OTOG: variants seen among roughly 807,000 people sequenced by gnomAD.
The protein encoded by OTOG is otogelin.
In OTOG, 296 loss-of-function variants were observed where a neutral mutation model predicts 313.8. That is an observed-to-expected ratio of 0.94 (90% CI 0.86 to 1.04). The LOEUF (loss-of-function observed/expected upper bound fraction) is 1.04. Ranked by LOEUF, OTOG falls within the 50% of genes least tolerant of loss-of-function variation. The pLI, the probability that OTOG is intolerant of heterozygous loss-of-function variation, is 0.00. For missense variants in OTOG, 3,948 were observed against 3,840.1 expected, an observed-to-expected ratio of 1.03 and a Z score of -0.74; for synonymous variants, 1,533 against 1,554.9, an observed-to-expected ratio of 0.99 and a Z score of 0.33.
At chr11:17,602,908 C>T (rs371069471) in intron 32 of OTOG, among the ~76,000 whole-genome samples, 67 of 152,314 alleles carry the variant, frequency 4.4e-4, no homozygotes, top group East Asian at 1.7e-3. Flanking sequence ...AGGCGGAACA[C>T]GGGGGAGGGG....
intron 16 of OTOG, 97 bp from the exon 17 acceptor site, chr11:17,570,116 C>A: frequency 8.8e-7 from 1 of 1,140,530 alleles, no homozygotes; most frequent in Non-Finnish European, 1.2e-6. Context: ...AAGACTGGGC[C>A]GGGCGTGGGA....
intron 42 of OTOG, 131 bp downstream of exon 42, chr11:17,632,357 T>C: frequency 1.3e-6 from 1 of 743,548 alleles, no homozygotes; most frequent in Non-Finnish European, 1.9e-6. Context: ...TTTATGTACA[T>C]TAGTAAATTT....
chr11:17,582,297 T>C (rs560987304), intron 23 of OTOG, among the ~76,000 whole-genome samples: 9 of 152,288 alleles, frequency 5.9e-5, no homozygotes, highest in African/African-American at 2.2e-4. Flanking sequence ...AAAAGATCCA[T>C]ATATATACAA....
intron 48 of OTOG, 27 bp from the exon 49 acceptor site, chr11:17,639,396 T>TG (rs1268870031): frequency 1.9e-6 from 3 of 1,550,554 alleles, no homozygotes; most frequent in Non-Finnish European, 2.6e-6. Flanking sequence ...CCTGATGAAG[T>TG]GGGGCCTGGC....
chr11:17,618,092 G>A (rs1047068672), intron 39 of OTOG, among the ~76,000 whole-genome samples: 4 of 151,954 alleles, frequency 2.6e-5, no homozygotes, highest in Non-Finnish European at 4.4e-5. Context: ...TAGTAGAGAC[G>A]GGGTTTCACC....
chr11:17,616,241 G>C (rs534491277), intron 39 of OTOG, among the ~76,000 whole-genome samples: 10 of 152,172 alleles, frequency 6.6e-5, no homozygotes, highest in African/African-American at 2.4e-4. Context: ...ATTTTGTATA[G>C]AGATGGGGTC....
chr11:17,623,034 T>C (rs1853902007), intron 39 of OTOG, among the ~76,000 whole-genome samples: 1 of 152,202 alleles, frequency 6.6e-6, no homozygotes, highest in South Asian at 2.1e-4. Flanking sequence ...ATAAAAGCCA[T>C]TTTAAGTGGA....
chr11:17,599,525 C>A, intron 30 of OTOG, 146 bp from the exon 31 acceptor site: 1 of 811,998 alleles, frequency 1.2e-6, no homozygotes, highest in Non-Finnish European at 2.0e-6. Context: ...GCATCCATGA[C>A]CATTCCCAAA....
At chr11:17,558,389 G>A (rs566205228) in intron 9 of OTOG, 74 bp downstream of exon 9, 2 of 1,534,136 alleles carry the variant, frequency 1.3e-6, no homozygotes, top group South Asian at 2.4e-5. Flanking sequence ...GCCACTGGCT[G>A]TGGCACCCCA....
intron 32 of OTOG, among the ~76,000 whole-genome samples, chr11:17,605,633 T>TG (rs749087173): frequency 1.3e-5 from 2 of 151,622 alleles, no homozygotes; most frequent in Non-Finnish European, 2.9e-5. Flanking sequence ...GCTTAGCAGC[T>TG]GGGGGGTCTC....
intron 34 of OTOG, 65 bp from the exon 35 acceptor site, chr11:17,609,065 G>T (rs1266575374): frequency 7.6e-7 from 1 of 1,308,676 alleles, no homozygotes; most frequent in Non-Finnish European, 1.1e-6. Flanking sequence ...GTGCTCAATC[G>T]AGAGAAAAAG....
Position 17,608,056 on chromosome 11 carries a change from C to T in OTOG, c.4157-240C>T, listed in dbSNP as rs141491606. Among the ~76,000 whole-genome samples, 640 of 152,270 alleles carry T rather than the reference C, an allele frequency of 4.2e-3. 3 individuals carry two copies. The highest frequency in any genetic ancestry group is 5.6e-3 in the Non-Finnish European group (380 of 67,992). On this transcript the variant is annotated intron_variant, in intron 33 of 55. Coordinates refer to ENST00000399397, the MANE Select transcript of OTOG (RefSeq NM_001292063.2). ...TTCCCTGTCCTCAGTTCTTCCCTGT[C>T]CTCAGTCCTTCCCTGTCCTCAGTCC...
chr11:17,593,116 T>C, intron 25 of OTOG, 77 bp from the exon 26 acceptor site: 2 of 1,397,500 alleles, frequency 1.4e-6, no homozygotes, highest in Non-Finnish European at 1.9e-6. Flanking sequence ...CCAGAGAGCG[T>C]GTTCCTCCAC....
In OTOG at chr11:17,632,066, A is replaced by C. The variant is rs924210183; in HGVS notation, c.6934-22A>C. The C allele has an allele frequency of 5.8e-6, 9 of 1,549,402 alleles. No homozygotes were observed. The Admixed American group carries it at 1.8e-4, about 30-fold the overall frequency. On this transcript the variant is annotated intron_variant, in intron 41 of 55. Transcript: ENST00000399397. ...GATATGTGCCATCCGAGTAACCAGCACTGCCTGATGCATATGTCCAGGTGC... is the reference window on the plus strand; with the variant it reads ...GATATGTGCCATCCGAGTAACCAGCCCTGCCTGATGCATATGTCCAGGTGC...
rs1447002997 is a variant in OTOG at position 17,642,042 on chromosome 11, G to T, written c.8296-85G>T. The T allele has an allele frequency of 2.6e-6, 4 of 1,520,224 alleles. No homozygotes were observed. In the African/African-American group the frequency reaches 4.2e-5, roughly 16 times the overall value. 94.2% of individuals were successfully genotyped at this position (1,520,224 alleles called of 1,614,324 possible). A position where few individuals can be genotyped will look rare whatever the true frequency, so the allele number is the denominator to read the frequency against. On this transcript the variant is annotated intron_variant, in intron 52 of 55. Coordinates refer to ENST00000399397, the MANE Select transcript of OTOG (RefSeq NM_001292063.2). ...TCTCTGGCTTGCAGGCCAGGGCTGG[G>T]TACAAACAGGCTCCCAGACCCTATG...
chr11:17,613,271 C>CTG (rs1853635289), intron 38 of OTOG, among the ~76,000 whole-genome samples: 1 of 140,172 alleles, frequency 7.1e-6, no homozygotes, highest in Non-Finnish European at 1.5e-5. Flanking sequence ...TTCTTTCTCT[C>CTG]TCTGTCTGTC....
intron 35 of OTOG, 141 bp from the exon 36 acceptor site, chr11:17,609,514 C>T (rs1434321741): frequency 3.2e-5 from 26 of 811,854 alleles, no homozygotes; most frequent in Non-Finnish European, 4.2e-5. Context: ...TCCAGACCTG[C>T]TGACATCTGG....
In OTOG at chr11:17,613,600, T is replaced by A; in HGVS notation, c.6439-12T>A. Reference sequence around the variant, plus strand: ...GGGCTCCAAGTTGATGAGGGCTGGGTTCTCTCTGCAGGGGCACCTGAACTG... The same window carrying A: ...GGGCTCCAAGTTGATGAGGGCTGGGATCTCTCTGCAGGGGCACCTGAACTG... On this transcript the variant is annotated splice_polypyrimidine_tract_variant and intron_variant, in intron 38 of 55. Coordinates refer to ENST00000399397, the MANE Select transcript of OTOG (RefSeq NM_001292063.2). The A allele has an allele frequency of 1.9e-6, 3 of 1,549,920 alleles. No homozygotes were observed. The highest frequency in any genetic ancestry group is 2.6e-6 in the Non-Finnish European group (3 of 1,146,564).
intron 29 of OTOG, 92 bp from the exon 30 acceptor site, chr11:17,596,759 C>T (rs981449163): frequency 5.0e-6 from 6 of 1,207,614 alleles, no homozygotes; most frequent in Admixed American, 2.1e-5. Context: ...CCCGTGGTCC[C>T]TTCATGTTGG....
Sources: gnomAD v4.1 joint callset for allele counts (sites outside exome capture counted in the v4.1 genomes callset) on GRCh38, gnomAD v4.1.1 for gene constraint, MANE v1.5 for transcripts, NCBI Gene and HGNC (gene_info 2026-07-23, HGNC 2026-07-21) for gene names.